The following NFATC3 variants were observed in gnomAD, a reference collection of about 807,000 sequenced individuals.
NFATC3 encodes the protein nuclear factor of activated T cells 3.
NFATC3 carries 46 observed loss-of-function variants against 98.6 expected under a neutral mutation model. The observed-to-expected ratio is 0.47, with a 90% CI of 0.37 to 0.60. The LOEUF is 0.60. Ranked by LOEUF, NFATC3 falls within the 20% of genes least tolerant of loss-of-function variation. The probability of loss-of-function intolerance (pLI) is 0.00; values close to 1 mark genes in which losing one functional copy is unlikely to be tolerated. For synonymous variants in NFATC3, 512 were observed against 472.2 expected, an observed-to-expected ratio of 1.08 and a Z score of -1.09; for missense variants, 1,256 against 1,295.5, an observed-to-expected ratio of 0.97 and a Z score of 0.47.
At chr16:68,103,118 TCTAAG>T (rs1187545286) in intron 1 of NFATC3, among the ~76,000 whole-genome samples, 2 of 152,098 alleles carry the variant, frequency 1.3e-5, no homozygotes, top group Admixed American at 1.3e-4. Context: ...CCTTATCAGA[TCTAAG>T]ATTTACAGAT....
At chr16:68,139,695 T>C (rs534876395) in intron 3 of NFATC3, among the ~76,000 whole-genome samples, 1 of 152,350 alleles carries the variant, frequency 6.6e-6, no homozygotes, top group East Asian at 1.9e-4. Context: ...AATTAACTTT[T>C]TCTTTTCTTC....
At chr16:68,193,931 G>T (rs74024161) in intron 9 of NFATC3, among the ~76,000 whole-genome samples, 7 of 152,028 alleles carry the variant, frequency 4.6e-5, no homozygotes, top group African/African-American at 1.5e-4. Flanking sequence ...GGTCCGGGGT[G>T]GGGGATGGGG....
chr16:68,110,190 A>G (rs772193009), intron 1 of NFATC3, among the ~76,000 whole-genome samples: 1 of 151,244 alleles, frequency 6.6e-6, no homozygotes, highest in African/African-American at 2.4e-5. Context: ...TTTTTAGTAG[A>G]GACAGGGTTT....
chr16:68,183,435 C>T, intron 8 of NFATC3, 69 bp downstream of exon 8: 1 of 1,546,926 alleles, frequency 6.5e-7, no homozygotes, highest in South Asian at 1.1e-5. Flanking sequence ...TTTAACGAAT[C>T]CTATATTACA....
chr16:68,195,676 T>TCGC (rs1555522581), intron 9 of NFATC3, among the ~76,000 whole-genome samples: 1 of 151,566 alleles, frequency 6.6e-6, no homozygotes, highest in Admixed American at 6.6e-5. Flanking sequence ...GGCGTGGTGG[T>TCGC]GGTCGCCTGT....
At chr16:68,209,703 G>A in intron 9 of NFATC3, 1 of 441,048 alleles carries the variant, frequency 2.3e-6, no homozygotes, top group South Asian at 1.7e-5. Flanking sequence ...GAAGCTAGGG[G>A]GAATGGTTAG....
At chr16:68,096,673 A>G (rs937787784) in intron 1 of NFATC3, among the ~76,000 whole-genome samples, 1 of 152,178 alleles carries the variant, frequency 6.6e-6, no homozygotes, top group African/African-American at 2.4e-5. Context: ...AGAGAAGAGT[A>G]CAGTTGAGCA....
intron 9 of NFATC3, chr16:68,221,054 C>T (rs2041846602): frequency 3.4e-6 from 3 of 888,088 alleles, no homozygotes; most frequent in African/African-American, 1.7e-5. Flanking sequence ...GCCTGGATTA[C>T]AGTTTAAATA....
chr16:68,191,703 A>G lies in NFATC3; in HGVS notation c.3034A>G (p.Ile1012Val), dbSNP rs752900691. Residue 1012 changes from isoleucine to valine, a missense_variant, in exon 9 of 10, where the codon ATT becomes GTT. Physicochemically the swap from Ile to Val is conservative, Grantham distance 29. Transcript: ENST00000346183. ...TCCACCTGATGGGGCAACTGTGAGCATTAAACCTGAACCAGAAGATCGAGA... is the reference window on the plus strand; with the variant it reads ...TCCACCTGATGGGGCAACTGTGAGCGTTAAACCTGAACCAGAAGATCGAGA... ...SFPPDGATVS[I>V]KPEPEDREPN... The G allele has an allele frequency of 9.9e-6, 16 of 1,614,208 alleles. No individual in the cohort carries two copies. Among genetic ancestry groups the G allele is most frequent in the Non-Finnish European group, 1.3e-5 (15 of 1,180,050 alleles).
At chr16:68,219,784 T>A (rs2041788559) in intron 9 of NFATC3, among the ~76,000 whole-genome samples, 1 of 152,132 alleles carries the variant, frequency 6.6e-6, no homozygotes, top group African/African-American at 2.4e-5. Flanking sequence ...CCGTTGGGAT[T>A]TTGTGTATAT....
At chr16:68,196,889 G>A (rs2040697840) in intron 9 of NFATC3, among the ~76,000 whole-genome samples, 1 of 151,942 alleles carries the variant, frequency 6.6e-6, no homozygotes, top group Admixed American at 6.6e-5. Context: ...AATTAGCCTG[G>A]TGTGGTGGCG....
chr16:68,194,433 G>A (rs938265396), intron 9 of NFATC3, among the ~76,000 whole-genome samples: 4 of 152,208 alleles, frequency 2.6e-5, no homozygotes, highest in Admixed American at 1.3e-4. Flanking sequence ...TGCACAGCTG[G>A]CATAAGTGTC....
intron 6 of NFATC3, among the ~76,000 whole-genome samples, chr16:68,177,924 A>T (rs1293790524): frequency 6.6e-6 from 1 of 152,134 alleles, no homozygotes; most frequent in Non-Finnish European, 1.5e-5. Flanking sequence ...TGAAATCATA[A>T]TCACCTAAAA....
chr16:68,150,925 C>A (rs2038285622), intron 3 of NFATC3, among the ~76,000 whole-genome samples: 1 of 152,132 alleles, frequency 6.6e-6, no homozygotes, highest in South Asian at 2.1e-4. Context: ...TTCCCCTTTA[C>A]CTTCAACCAT....
intron 9 of NFATC3, among the ~76,000 whole-genome samples, chr16:68,220,570 T>TTAGTGGAC (rs761855062): frequency 9.9e-5 from 15 of 151,488 alleles, no homozygotes; most frequent in Non-Finnish European, 2.1e-4. Context: ...CCTCACATAC[T>TTAGTGGAC]TAGTGGACTA....
Position 68,191,124 on chromosome 16 carries a change from A to T in NFATC3, c.2455A>T (p.Ile819Phe), listed in dbSNP as rs564298106. 3.7e-6 allele frequency: 6 copies of T among 1,614,218 alleles called. No homozygotes were observed. Among genetic ancestry groups the T allele is most frequent in the Middle Eastern group, 1.6e-4 (1 of 6,062 alleles). Residue 819 changes from isoleucine to phenylalanine, a missense_variant, in exon 9 of 10, where the codon ATT (isoleucine) becomes TTT (phenylalanine). Ile to Phe is a conservative substitution (Grantham distance 21). Transcript: ENST00000346183. ...GTACAATGGACCAACTTGTCTTCCT[A>T]TTAATGCTGCCTCTAGTCAAGAATT... ...VVYNGPTCLP[I>F]NAASSQEFDS...
At position 68,166,823 on chromosome 16, in the gene NFATC3, T is replaced by C; in HGVS notation, c.1602-20T>C. On this transcript the variant is annotated intron_variant, in intron 4 of 9. Transcript: ENST00000346183. ...ATGATTATCAATAAACAAATTAAAT[T>C]TTTGTATTTTTCTCTTTAGTATTGA... 6.4e-7 allele frequency: 1 copy of C among 1,573,028 alleles called. No homozygotes were observed. The highest frequency in any genetic ancestry group is 8.7e-7 in the Non-Finnish European group (1 of 1,152,606).
intron 3 of NFATC3, among the ~76,000 whole-genome samples, chr16:68,149,639 G>T (rs550753013): frequency 5.8e-4 from 88 of 152,294 alleles, no homozygotes; most frequent in African/African-American, 1.8e-3. Flanking sequence ...AAATATGGAA[G>T]TAAGTTCCAA....
intron 9 of NFATC3, among the ~76,000 whole-genome samples, chr16:68,212,936 C>T (rs1446666102): frequency 6.7e-6 from 1 of 148,668 alleles, no homozygotes; most frequent in African/African-American, 2.5e-5. Flanking sequence ...ACTACAGGCG[C>T]CCGCCACCAC....
Sources: allele counts gnomAD v4.1 joint callset (sites outside exome capture counted in the v4.1 genomes callset), GRCh38; gene constraint gnomAD v4.1.1; transcripts MANE v1.5; gene names NCBI Gene and HGNC (gene_info 2026-07-23, HGNC 2026-07-21).